LRRFIP1: variants seen among roughly 807,000 people sequenced by gnomAD.
LRRFIP1 encodes the protein leucine-rich repeat flightless-interacting protein 1.
LRRFIP1 carries 62 observed loss-of-function variants against 104.4 expected under a neutral mutation model. The observed-to-expected ratio is 0.59, with a 90% CI of 0.48 to 0.73. LRRFIP1 has a LOEUF of 0.73. Ranked by LOEUF, LRRFIP1 falls within the 30% of genes least tolerant of loss-of-function variation. The pLI is 0.00. For missense variants in LRRFIP1, 796 were observed against 824.5 expected (o/e 0.97, Z 0.42); for synonymous variants, 300 against 299.0 (o/e 1.00, Z -0.03).
At chr2:237,648,389 G>T (rs1380294039) in intron 1 of LRRFIP1, among the ~76,000 whole-genome samples, 2 of 151,968 alleles carry the variant, frequency 1.3e-5, no homozygotes, top group East Asian at 3.9e-4. Context: ...CACATCAAAA[G>T]TGTTCTACAA....
At chr2:237,732,979 T>C (rs2095077858) in intron 8 of LRRFIP1, among the ~76,000 whole-genome samples, 2 of 152,192 alleles carry the variant, frequency 1.3e-5, no homozygotes, top group Non-Finnish European at 2.9e-5. Flanking sequence ...AGGAAGTCGG[T>C]GTCAGAGGTG....
At chr2:237,647,309 G>A (rs867913262) in intron 1 of LRRFIP1, among the ~76,000 whole-genome samples, 7 of 151,998 alleles carry the variant, frequency 4.6e-5, no homozygotes, top group Middle Eastern at 3.2e-3. Context: ...CCAATGGGAC[G>A]TGGCTCTCAT....
At chr2:237,720,730 G>T in intron 5 of LRRFIP1, 42 bp from the exon 6 acceptor site, 1 of 1,579,816 alleles carries the variant, frequency 6.3e-7, no homozygotes, top group African/African-American at 1.3e-5. Flanking sequence ...CATGTATGTT[G>T]TATGATTCCT....
intron 1 of LRRFIP1, among the ~76,000 whole-genome samples, chr2:237,704,151 CT>C (rs397946161): frequency 0.09 from 11,097 of 123,910 alleles, 1,445 homozygotes; most frequent in African/African-American, 0.31. Context: ...TGCAGATGTT[CT>C]TTTTTTTTTT....
At chr2:237,665,810 G>T (rs1046420423) in intron 1 of LRRFIP1, among the ~76,000 whole-genome samples, 2 of 152,224 alleles carry the variant, frequency 1.3e-5, no homozygotes, top group Non-Finnish European at 2.9e-5. Flanking sequence ...AGACCCTCAA[G>T]CTGCAGTCAA....
intron 1 of LRRFIP1, chr2:237,692,401 C>G (rs2092862729): frequency 7.0e-7 from 1 of 1,430,936 alleles, no homozygotes. Context: ...GCGAGGGGCT[C>G]CCGGCGCGGT....
intron 1 of LRRFIP1, among the ~76,000 whole-genome samples, chr2:237,634,152 A>G (rs565459336): frequency 2.8e-4 from 42 of 152,210 alleles, no homozygotes; most frequent in African/African-American, 8.4e-4. Flanking sequence ...GTCTTGTATC[A>G]CTCCGTAAAA....
chr2:237,721,845 G>A (rs570128708), intron 6 of LRRFIP1: 3 of 152,372 alleles, frequency 2.0e-5, no homozygotes, highest in Non-Finnish European at 2.9e-5. Flanking sequence ...TGGTTCAAAT[G>A]TGAGGCCCCG....
chr2:237,739,255 C>A lies in LRRFIP1; in HGVS notation c.579C>A (p.Leu193=). 6.4e-7 allele frequency: 1 copy of A among 1,565,886 alleles called. No homozygotes were observed. The highest frequency in any genetic ancestry group is 8.7e-7 in the Non-Finnish European group (1 of 1,155,492). The change falls in exon 11 of 24, where the codon CTC becomes CTA. Residue 193 remains leucine, a synonymous_variant. Coordinates refer to ENST00000308482, the MANE Select transcript of LRRFIP1 (RefSeq NM_001137550.2). ...SRAPSEYSGH[L]NSSSRASSRA... is the part of the protein sequence containing the mutation. ...AGCCCTCGGAGTACAGCGGCCACCT[C>A]AACTCCAGCTCCCGCGCCTCCTCCA... is the stretch of plus-strand genomic sequence containing the variant.
At chr2:237,722,602 G>A (rs766826019) in intron 6 of LRRFIP1, among the ~76,000 whole-genome samples, 1 of 152,152 alleles carries the variant, frequency 6.6e-6, no homozygotes, top group Non-Finnish European at 1.5e-5. Flanking sequence ...TACATAAGAT[G>A]GGGAGGAAGT....
chr2:237,636,997 G>A (rs958635646), intron 1 of LRRFIP1, among the ~76,000 whole-genome samples: 1 of 152,180 alleles, frequency 6.6e-6, no homozygotes, highest in African/African-American at 2.4e-5. Flanking sequence ...AAAGAAAGTT[G>A]AAAATTAATC....
chr2:237,628,285 A>G (rs562781470), intron 1 of LRRFIP1, among the ~76,000 whole-genome samples: 1 of 152,334 alleles, frequency 6.6e-6, no homozygotes, highest in South Asian at 2.1e-4. Flanking sequence ...TTTTTCTTTC[A>G]GGACTGAGCC....
Position 237,661,085 on chromosome 2 carries a change from C to T in LRRFIP1, c.96+33345C>T, listed in dbSNP as rs571018181. Among the ~76,000 whole-genome samples the T allele has an allele frequency of 2.6e-5, 4 of 152,250 alleles. No homozygotes were observed. The South Asian group carries it at 6.2e-4, about 24-fold the overall frequency. Reference sequence around the variant, plus strand: ...TGCCATCTCTGCTCTCCCACCGCTTCCTGGGTTGGGCTGCGGGGAGAGGCC... The same window carrying T: ...TGCCATCTCTGCTCTCCCACCGCTTTCTGGGTTGGGCTGCGGGGAGAGGCC... On this transcript the variant is annotated intron_variant, in intron 1 of 23. Transcript: ENST00000308482. The surrounding 1 kb of genome is among the most constrained non-coding windows in gnomAD (Gnocchi z 4.4).
In LRRFIP1 at chr2:237,766,612, T is replaced by C. The variant is rs1467442358; in HGVS notation, c.1460-3331T>C. ...TCTCAGTGATTCACCACTCATTTGC[T>C]TAATTAATAGACAGGTTTGATCACT... On this transcript the variant is annotated intron_variant, in intron 19 of 23. Transcript: ENST00000308482. This position sits in a 1 kb window ranked among gnomAD's most constrained non-coding sequence, Gnocchi z 4.8. 1.3e-5 allele frequency among the ~76,000 whole-genome samples: 2 copies of C among 152,146 alleles called. No homozygotes were observed. The highest frequency in any genetic ancestry group is 2.9e-5 in the Non-Finnish European group (2 of 68,018).
At chr2:237,657,945 A>C (rs1480130307) in intron 1 of LRRFIP1, among the ~76,000 whole-genome samples, 1 of 152,248 alleles carries the variant, frequency 6.6e-6, no homozygotes, top group East Asian at 1.9e-4. Context: ...CCCAAGGTTC[A>C]GAACGAGTGC....
rs552272673 is a variant in LRRFIP1, at chr2:237,648,195, G to T, written c.96+20455G>T. On this transcript the variant is annotated intron_variant, in intron 1 of 23. Transcript: ENST00000308482. ...GTGCTTCTCAGCCAGCTGTGGACCC[G>T]GCAGCCCTGAGCCCTAGCCCTTCCC... Among the ~76,000 whole-genome samples the T allele has an allele frequency of 4.7e-4, 55 of 116,454 alleles. 1 individual carries two copies. Among genetic ancestry groups the T allele is most frequent in the African/African-American group, 1.4e-3 (52 of 38,512 alleles). The allele number at this position is 116,454 out of a possible 152,430, so 76.4% of individuals were successfully genotyped here.
intron 15 of LRRFIP1, among the ~76,000 whole-genome samples, chr2:237,754,310 G>C (rs902194955): frequency 6.6e-6 from 1 of 152,196 alleles, no homozygotes; most frequent in African/African-American, 2.4e-5. Context: ...AGCTCAGAGA[G>C]AGAGATAGTC....
At chr2:237,630,899 C>T (rs1020437032) in intron 1 of LRRFIP1, among the ~76,000 whole-genome samples, 1 of 152,186 alleles carries the variant, frequency 6.6e-6, no homozygotes, top group East Asian at 1.9e-4. Flanking sequence ...GCCCACACAC[C>T]GTCTCTTCTG....
Position 237,691,845 on chromosome 2 carries a change from GGT to G in LRRFIP1, c.97-16697_97-16696del, listed in dbSNP as rs1336186205. On this transcript the variant is annotated intron_variant, in intron 1 of 23. Transcript: ENST00000308482. The surrounding 1 kb of genome is among the most constrained non-coding windows in gnomAD (Gnocchi z 5.4). ...TCTTTCCGGCGGGGGCCGGAGGGGTGGTGATGGACAGCCCGGGAGGGGCGGGG... is the reference window on the plus strand; with the variant it reads ...TCTTTCCGGCGGGGGCCGGAGGGGTGGATGGACAGCCCGGGAGGGGCGGGG... Among the ~76,000 whole-genome samples the G allele has an allele frequency of 2.0e-5, 3 of 152,258 alleles. No individual in the cohort carries two copies. Among genetic ancestry groups the G allele is most frequent in the Non-Finnish European group, 4.4e-5 (3 of 67,984 alleles).
Sources: allele counts gnomAD v4.1 joint callset (sites outside exome capture counted in the v4.1 genomes callset), GRCh38; gene constraint gnomAD v4.1.1; non-coding constraint Gnocchi (gnomAD v3.1); transcripts MANE v1.5; gene names NCBI Gene and HGNC (gene_info 2026-07-23, HGNC 2026-07-21).